NEGR1: variants seen among roughly 807,000 people sequenced by gnomAD.
NEGR1 encodes IgLON family member 4.
In NEGR1, 10 loss-of-function variants were observed where a neutral mutation model predicts 40.9. The ratio of observed to expected loss-of-function variants is 0.24; its 90% CI spans 0.15 to 0.42. NEGR1 has a LOEUF of 0.42. NEGR1 is among the 10% of genes least tolerant of loss of function. The pLI is 1.00. For missense variants in NEGR1, 352 were observed against 438.9 expected (o/e 0.80, Z 1.77); for synonymous variants, 185 against 166.8 (o/e 1.11, Z -0.84).
chr1:71,738,039 T>A (rs1380979820), intron 3 of NEGR1: 1 of 152,366 alleles, frequency 6.6e-6, no homozygotes, highest in East Asian at 1.9e-4. Flanking sequence ...TGAAGTATCA[T>A]CCTTCCTCCC....
intron 1 of NEGR1, among the ~76,000 whole-genome samples, chr1:72,025,263 G>T (rs1353250608): frequency 6.6e-6 from 1 of 152,008 alleles, no homozygotes; most frequent in African/African-American, 2.4e-5. Context: ...ATATTTCCGA[G>T]AAAAGGCCTA....
At chr1:71,981,998 G>T (rs900724519) in intron 1 of NEGR1, among the ~76,000 whole-genome samples, 2 of 151,994 alleles carry the variant, frequency 1.3e-5, no homozygotes, top group Admixed American at 1.3e-4. Context: ...GTCTTGTTTG[G>T]CATTTTTTTG....
intron 1 of NEGR1, among the ~76,000 whole-genome samples, chr1:72,095,033 T>C (rs1046545045): frequency 2.6e-5 from 4 of 152,188 alleles, no homozygotes; most frequent in African/African-American, 7.2e-5. Flanking sequence ...CAAGTGAAGA[T>C]GCTTGAAAGC....
At chr1:71,710,690 C>A (rs1188393142) in intron 3 of NEGR1, among the ~76,000 whole-genome samples, 1 of 151,966 alleles carries the variant, frequency 6.6e-6, no homozygotes, top group Non-Finnish European at 1.5e-5. Flanking sequence ...ATAATAAAAA[C>A]ACCAGAACTT....
intron 1 of NEGR1, among the ~76,000 whole-genome samples, chr1:72,118,546 ACAGT>A (rs981671597): frequency 6.6e-6 from 1 of 151,736 alleles, no homozygotes; most frequent in Non-Finnish European, 1.5e-5. Flanking sequence ...ATCCTGGAAG[ACAGT>A]CAGTAAAGCT....
intron 3 of NEGR1, among the ~76,000 whole-genome samples, chr1:71,708,496 A>T (rs186090086): frequency 6.6e-6 from 1 of 152,134 alleles, no homozygotes; most frequent in African/African-American, 2.4e-5. Context: ...AAATAGAAAA[A>T]CAAATCTAAA....
At chr1:72,078,620 CATAT>C (rs3080207) in intron 1 of NEGR1, among the ~76,000 whole-genome samples, 8 of 135,840 alleles carry the variant, frequency 5.9e-5, no homozygotes, top group Non-Finnish European at 8.0e-5. Flanking sequence ...CATATACACT[CATAT>C]ATATATATAT....
At chr1:71,789,146 A>G (rs1002892025) in intron 2 of NEGR1, among the ~76,000 whole-genome samples, 5 of 152,146 alleles carry the variant, frequency 3.3e-5, no homozygotes, top group Non-Finnish European at 4.4e-5. Flanking sequence ...GGACAAGATG[A>G]GGACCCTATC....
At chr1:72,039,363 C>T (rs963226302) in intron 1 of NEGR1, among the ~76,000 whole-genome samples, 3 of 151,924 alleles carry the variant, frequency 2.0e-5, no homozygotes, top group East Asian at 3.9e-4. Flanking sequence ...GGAATAGATT[C>T]GTAGGTGTGG....
chr1:71,865,148 A>T (rs905679105), intron 2 of NEGR1, among the ~76,000 whole-genome samples: 2 of 152,188 alleles, frequency 1.3e-5, no homozygotes, highest in Non-Finnish European at 2.9e-5. Context: ...TTGCCATCTT[A>T]TTTATTTAGC....
At chr1:72,069,207 C>T (rs1285654766) in intron 1 of NEGR1, among the ~76,000 whole-genome samples, 7 of 151,878 alleles carry the variant, frequency 4.6e-5, no homozygotes, top group Non-Finnish European at 1.5e-5. Context: ...CTCAAGAGTT[C>T]AAGACCAGCC....
At chr1:71,985,252 C>T (rs1174054280) in intron 1 of NEGR1, among the ~76,000 whole-genome samples, 1 of 152,136 alleles carries the variant, frequency 6.6e-6, no homozygotes, top group African/African-American at 2.4e-5. Flanking sequence ...TGAAGTGTCT[C>T]ATATGTTAAA....
intron 1 of NEGR1, among the ~76,000 whole-genome samples, chr1:72,102,165 T>A (rs976685199): frequency 5.3e-5 from 8 of 152,094 alleles, no homozygotes; most frequent in African/African-American, 1.7e-4. Context: ...CAAAGAACGC[T>A]ATAGTAGATT....
intron 1 of NEGR1, among the ~76,000 whole-genome samples, chr1:72,076,511 A>AC (rs1263241911): frequency 3.2e-5 from 2 of 61,794 alleles, no homozygotes; most frequent in African/African-American, 5.8e-5. Flanking sequence ...CCCCATCCCC[A>AC]CCCCCCCTGC....
intron 1 of NEGR1, among the ~76,000 whole-genome samples, chr1:72,128,147 G>A (rs564433714): frequency 4.3e-4 from 66 of 152,186 alleles, no homozygotes; most frequent in African/African-American, 1.4e-3. Context: ...AGTAAAGCAT[G>A]AAATATTTCC....
intron 1 of NEGR1, among the ~76,000 whole-genome samples, chr1:72,028,813 G>A (rs994160919): frequency 1.3e-5 from 2 of 152,084 alleles, no homozygotes; most frequent in Non-Finnish European, 2.9e-5. Flanking sequence ...ATAGCAATTT[G>A]AGAACTGCAA....
chr1:71,766,423 T>C (rs542083468), intron 3 of NEGR1, among the ~76,000 whole-genome samples: 5 of 152,286 alleles, frequency 3.3e-5, no homozygotes, highest in Admixed American at 1.3e-4. Context: ...ATCAAAACAT[T>C]AAGCATACGG....
chr1:72,250,538 T>C (rs1354289196), intron 1 of NEGR1, among the ~76,000 whole-genome samples: 4 of 152,164 alleles, frequency 2.6e-5, no homozygotes, highest in African/African-American at 7.2e-5. Flanking sequence ...AAAAGAAATA[T>C]GAAAAACAAT....
intron 4 of NEGR1, among the ~76,000 whole-genome samples, chr1:71,660,807 C>T (rs1397883722): frequency 6.6e-6 from 1 of 152,078 alleles, no homozygotes; most frequent in African/African-American, 2.4e-5. Flanking sequence ...GCCATCAACC[C>T]GTCATCCACA....
Sources: gnomAD v4.1 joint callset for allele counts (sites outside exome capture counted in the v4.1 genomes callset) on GRCh38, gnomAD v4.1.1 for gene constraint, MANE v1.5 for transcripts, NCBI Gene and HGNC (gene_info 2026-07-23, HGNC 2026-07-21) for gene names.